ABCA1: variants seen among roughly 807,000 people sequenced by gnomAD.
The protein encoded by ABCA1 is ATP binding cassette subfamily A member 1.
Under a neutral mutation model 262.5 loss-of-function variants are expected in ABCA1, and 133 were observed. That is an observed-to-expected ratio of 0.51 (90% CI 0.44 to 0.59). The LOEUF (loss-of-function observed/expected upper bound fraction) is 0.59. Ranked by LOEUF, ABCA1 falls within the 20% of genes least tolerant of loss-of-function variation. The pLI, the probability that ABCA1 is intolerant of heterozygous loss-of-function variation, is 0.00. For missense variants in ABCA1, 2,452 were observed against 2,777.5 expected, an observed-to-expected ratio of 0.88 and a Z score of 2.63; for synonymous variants, 1,022 against 1,043.5, an observed-to-expected ratio of 0.98 and a Z score of 0.40.
intron 14 of ABCA1, among the ~76,000 whole-genome samples, chr9:104,830,663 C>G (rs531104096): frequency 4.7e-4 from 71 of 151,862 alleles, no homozygotes; most frequent in South Asian, 8.4e-4. Flanking sequence ...GCACTCCAGC[C>G]TGGGCGTCAG....
intron 1 of ABCA1, among the ~76,000 whole-genome samples, chr9:104,923,959 G>A (rs528187570): frequency 4.6e-5 from 7 of 152,194 alleles, no homozygotes; most frequent in Non-Finnish European, 8.8e-5. Flanking sequence ...TGAGGATCAC[G>A]TGAGCGCAGG....
intron 5 of ABCA1, 139 bp downstream of exon 5, chr9:104,882,900 C>A (rs1241534524): frequency 2.3e-6 from 2 of 886,584 alleles, no homozygotes; most frequent in South Asian, 1.4e-5. Context: ...GGAGAGGGGC[C>A]CCACAGGCCA....
chr9:104,792,914 GA>G lies in ABCA1; in HGVS notation c.5637-9del, dbSNP rs770519552. 5.6e-6 allele frequency: 9 copies of G among 1,613,516 alleles called. No individual in the cohort carries two copies. Among genetic ancestry groups the G allele is most frequent in the African/African-American group, 2.7e-5 (2 of 74,882 alleles). On this transcript the variant is annotated splice_polypyrimidine_tract_variant and intron_variant, in intron 41 of 49. Transcript: ENST00000374736. ...AGCTTTGCATTTACAGGTCTTGGGG[GA>G]AAAAACAAGAAAAATGAACCTTTCA...
chr9:104,819,478 A>T, intron 22 of ABCA1, 108 bp downstream of exon 22: 1 of 1,468,788 alleles, frequency 6.8e-7, no homozygotes, highest in East Asian at 2.3e-5. Context: ...ATAACAGAAG[A>T]GTATCCCATG....
chr9:104,922,954 T>G (rs1354998834), intron 1 of ABCA1, among the ~76,000 whole-genome samples: 1 of 152,182 alleles, frequency 6.6e-6, no homozygotes, highest in Non-Finnish European at 1.5e-5. Flanking sequence ...TGACCTCAAG[T>G]GATCCTCCTG....
Position 104,861,939 on chromosome 9 carries a change from G to T in ABCA1, c.422-139C>A, listed in dbSNP as rs1836433850. On this transcript the variant is annotated intron_variant, in intron 5 of 49. Coordinates refer to ENST00000374736, the MANE Select transcript of ABCA1 (RefSeq NM_005502.4). The stretch of plus-strand genomic sequence containing the variant: ...CCTGGCTAAACACACACAGGAATGA[G>T]ATAGGGGAGCATCGCCATATCAGGA... The T allele has an allele frequency of 6.5e-6, 5 of 773,758 alleles. No individual in the cohort carries two copies. In the Admixed American group the frequency reaches 1.2e-4, roughly 19 times the overall value. The allele number at this position is 773,758 out of a possible 1,614,324, so 47.9% of individuals were successfully genotyped here. A position where few individuals can be genotyped will look rare whatever the true frequency, so the allele number is the denominator to read the frequency against.
At chr9:104,853,634 A>AT (rs112813864) in intron 7 of ABCA1, among the ~76,000 whole-genome samples, 3,387 of 152,228 alleles carry the variant, frequency 0.022, 123 homozygotes, top group African/African-American at 0.076. Flanking sequence ...CACTTGATGG[A>AT]TTTTTTTCGA....
At chr9:104,923,167 A>C (rs922987663) in intron 1 of ABCA1, among the ~76,000 whole-genome samples, 1 of 152,222 alleles carries the variant, frequency 6.6e-6, no homozygotes, top group African/African-American at 2.4e-5. Context: ...GACAAGCAAG[A>C]ATCATATTGT....
intron 7 of ABCA1, among the ~76,000 whole-genome samples, chr9:104,856,723 G>A (rs1018190795): frequency 8.5e-5 from 13 of 152,132 alleles, no homozygotes; most frequent in South Asian, 2.1e-4. Flanking sequence ...GCACAGCACC[G>A]GAACAAATTA....
At chr9:104,892,569 G>T (rs572160991) in intron 2 of ABCA1, among the ~76,000 whole-genome samples, 1 of 151,990 alleles carries the variant, frequency 6.6e-6, no homozygotes, top group African/African-American at 2.4e-5. Flanking sequence ...GTACACCAGG[G>T]ACCCTATTTA....
At chr9:104,822,361 G>A (rs1184397509) in intron 19 of ABCA1, 135 bp downstream of exon 19, 12 of 1,163,458 alleles carry the variant, frequency 1.0e-5, no homozygotes, top group Middle Eastern at 2.8e-4. Flanking sequence ...TAGATAACAT[G>A]TTCACATTCG....
At chr9:104,820,805 A>C (rs546853249) in intron 20 of ABCA1, among the ~76,000 whole-genome samples, 52 of 152,284 alleles carry the variant, frequency 3.4e-4, no homozygotes, top group African/African-American at 1.2e-3. Flanking sequence ...CATGACAATA[A>C]TGGGAAGCAA....
intron 2 of ABCA1, among the ~76,000 whole-genome samples, chr9:104,894,013 G>A (rs931510705): frequency 1.4e-4 from 21 of 152,130 alleles, no homozygotes; most frequent in African/African-American, 2.9e-4. Context: ...TATCATTACC[G>A]TTTTAGAAGT....
At chr9:104,804,807 C>T in intron 31 of ABCA1, 87 bp from the exon 32 acceptor site, 1 of 1,173,092 alleles carries the variant, frequency 8.5e-7, no homozygotes, top group East Asian at 2.4e-5. Context: ...TGACCATGTC[C>T]ACAGTGTGAC....
At chr9:104,871,740 G>A (rs1001349343) in intron 5 of ABCA1, among the ~76,000 whole-genome samples, 2 of 152,094 alleles carry the variant, frequency 1.3e-5, no homozygotes, top group Non-Finnish European at 2.9e-5. Context: ...AAGAAGGTAA[G>A]AGATAGGAAG....
intron 7 of ABCA1, among the ~76,000 whole-genome samples, chr9:104,857,974 T>C (rs1835991633): frequency 6.6e-6 from 1 of 152,202 alleles, no homozygotes; most frequent in African/African-American, 2.4e-5. Context: ...GGTATTCTCA[T>C]AGAGTGCTTC....
chr9:104,863,029 A>T (rs921645599), intron 5 of ABCA1, among the ~76,000 whole-genome samples: 1 of 152,044 alleles, frequency 6.6e-6, no homozygotes, highest in Admixed American at 6.6e-5. Flanking sequence ...AGGATTTCAT[A>T]CGGAATCTCC....
intron 13 of ABCA1, 152 bp from the exon 14 acceptor site, chr9:104,831,253 T>C (rs1479943559): frequency 1.2e-6 from 1 of 827,978 alleles, no homozygotes; most frequent in African/African-American, 1.7e-5. Flanking sequence ...GTTTCACTCT[T>C]ATTGCCCAGG....
Position 104,806,478 on chromosome 9 carries a change from C to G in ABCA1, c.4275-48G>C, listed in dbSNP as rs936593586. The stretch of plus-strand genomic sequence containing the variant: ...GTAGGATTACCAGAGATGGCCTGGC[C>G]TTTCTGTTGCCTCAGGAGCACAGGA... On this transcript the variant is annotated intron_variant, in intron 30 of 49. Transcript: ENST00000374736. The G allele has an allele frequency of 1.3e-5, 21 of 1,588,680 alleles. 1 individual carries two copies. In the Admixed American group the frequency reaches 1.5e-4, roughly 11 times the overall value.
Sources: allele counts gnomAD v4.1 joint callset (sites outside exome capture counted in the v4.1 genomes callset), GRCh38; gene constraint gnomAD v4.1.1; transcripts MANE v1.5; gene names NCBI Gene and HGNC (gene_info 2026-07-23, HGNC 2026-07-21).